FOXP1: variants seen among roughly 807,000 people sequenced by gnomAD.
FOXP1 encodes the protein forkhead box P1.
A neutral mutation model predicts 98.2 loss-of-function variants in FOXP1; 15 were observed. The ratio of observed to expected loss-of-function variants is 0.15; its 90% confidence interval spans 0.10 to 0.24. The LOEUF is 0.24. Ranked by LOEUF, FOXP1 falls within the 10% of genes least tolerant of loss-of-function variation. The pLI, the probability that FOXP1 is intolerant of heterozygous loss-of-function variation, is 1.00. For synonymous variants in FOXP1, 371 were observed against 314.5 expected, an observed-to-expected ratio of 1.18 and a Z score of -1.90; for missense variants, 633 against 848.5, an observed-to-expected ratio of 0.75 and a Z score of 3.15.
intron 12 of FOXP1, among the ~76,000 whole-genome samples, chr3:71,013,488 T>C (rs7635544): frequency 0.72 from 109,872 of 152,020 alleles, 40,968 homozygotes; most frequent in African/African-American, 0.89. Flanking sequence ...CACTGCTCAA[T>C]GAAATAAAAG....
chr3:71,013,751 A>G (rs763940614), intron 12 of FOXP1, among the ~76,000 whole-genome samples: 106 of 152,346 alleles, frequency 7.0e-4, no homozygotes, highest in Non-Finnish European at 1.2e-3. Flanking sequence ...TTCAAACTAT[A>G]CTACAAGGCT....
intron 3 of FOXP1, among the ~76,000 whole-genome samples, chr3:71,438,557 G>A (rs2085592725): frequency 6.6e-6 from 1 of 151,966 alleles, no homozygotes; most frequent in South Asian, 2.1e-4. Context: ...ACCTTCTCCA[G>A]GCTCCCCTCC....
At chr3:71,388,921 T>C (rs765136709) in intron 3 of FOXP1, among the ~76,000 whole-genome samples, 2 of 152,084 alleles carry the variant, frequency 1.3e-5, no homozygotes, top group Non-Finnish European at 2.9e-5. Flanking sequence ...CCAAGTAGAA[T>C]GGCCTTTTCA....
chr3:71,349,340 T>C (rs2077616852), intron 4 of FOXP1, among the ~76,000 whole-genome samples: 1 of 152,208 alleles, frequency 6.6e-6, no homozygotes, highest in African/African-American at 2.4e-5. Context: ...ACTTCAACAG[T>C]TACCCATAAA....
chr3:71,104,349 T>TA (rs2057247960), intron 7 of FOXP1, among the ~76,000 whole-genome samples: 1 of 152,150 alleles, frequency 6.6e-6, no homozygotes, highest in Non-Finnish European at 1.5e-5. Context: ...ATAGGCTTGA[T>TA]AGCAAGACCT....
At position 71,581,441 on chromosome 3, in the gene FOXP1, G is replaced by A. The variant is rs971535858; in HGVS notation, c.-298+108C>T. On this transcript the variant is annotated intron_variant, in intron 2 of 20. Coordinates refer to ENST00000649528, the MANE Select transcript of FOXP1 (RefSeq NM_001349338.3). ...CATTCCTCGCTCCCGGTGCCTTATC[G>A]CTAGGCTCGCGCCACCCCGGCTGGC... The A allele has an allele frequency of 2.2e-5, 22 of 985,358 alleles. No individual in the cohort carries two copies. The African/African-American group carries it at 3.5e-4, about 16-fold the overall frequency. The allele number at this position is 985,358 out of a possible 1,614,324, so 61.0% of individuals were successfully genotyped here.
intron 11 of FOXP1, among the ~76,000 whole-genome samples, chr3:71,022,024 T>C (rs535835021): frequency 1.8e-3 from 269 of 152,360 alleles, no homozygotes; most frequent in Non-Finnish European, 3.4e-3. Context: ...TCAGAAACCA[T>C]TGCCTAAACT....
chr3:71,504,319 A>C (rs2041644060), intron 2 of FOXP1, among the ~76,000 whole-genome samples: 1 of 152,164 alleles, frequency 6.6e-6, no homozygotes, highest in Non-Finnish European at 1.5e-5. Flanking sequence ...TTTCAGATTA[A>C]TATGACGTTG....
In FOXP1 at chr3:70,974,905, A is replaced by G. The variant is rs370706414; in HGVS notation, c.1530+2036T>C. Among the ~76,000 whole-genome samples, 14 of 152,266 alleles carry G rather than the reference A, an allele frequency of 9.2e-5. No individual in the cohort carries two copies. The East Asian group carries it at 2.7e-3, about 29-fold the overall frequency. ...ATGTGAGTAAAGACACAAAGCCAAA[A>G]CTTCAGTTCTGTTTTCCAAAACTGC... is the stretch of plus-strand genomic sequence containing the variant. On this transcript the variant is annotated intron_variant, in intron 17 of 20. Transcript: ENST00000649528.
At chr3:70,996,966 G>A (rs2041459875) in intron 13 of FOXP1, among the ~76,000 whole-genome samples, 1 of 152,204 alleles carries the variant, frequency 6.6e-6, no homozygotes, top group Non-Finnish European at 1.5e-5. Context: ...GCTCTTTCCT[G>A]TAGTGCTACG....
At chr3:70,996,574 A>G (rs2041397628) in intron 13 of FOXP1, among the ~76,000 whole-genome samples, 2 of 152,196 alleles carry the variant, frequency 1.3e-5, no homozygotes, top group Admixed American at 1.3e-4. Context: ...TCAGAGACAC[A>G]AGGGCCTTCC....
At chr3:71,323,143 G>T (rs973124863) in intron 4 of FOXP1, among the ~76,000 whole-genome samples, 3 of 151,962 alleles carry the variant, frequency 2.0e-5, no homozygotes, top group Non-Finnish European at 2.9e-5. Flanking sequence ...GCTAATTTTT[G>T]TATTTTTAGT....
At chr3:70,982,003 T>C (rs536545135) in intron 14 of FOXP1, among the ~76,000 whole-genome samples, 2 of 152,310 alleles carry the variant, frequency 1.3e-5, no homozygotes, top group East Asian at 3.9e-4. Flanking sequence ...AGAAGTTTCT[T>C]AACTTTTAAA....
At chr3:70,989,983 T>C (rs1306179409) in intron 13 of FOXP1, among the ~76,000 whole-genome samples, 3 of 152,176 alleles carry the variant, frequency 2.0e-5, no homozygotes, top group African/African-American at 7.2e-5. Context: ...AACACATACC[T>C]AGAATTTGTA....
chr3:71,193,227 A>G (rs2063101679), intron 6 of FOXP1, among the ~76,000 whole-genome samples: 1 of 134,926 alleles, frequency 7.4e-6, no homozygotes, highest in East Asian at 2.2e-4. Flanking sequence ...GGCTCACTGC[A>G]AGCTCCGCCT....
intron 5 of FOXP1, among the ~76,000 whole-genome samples, chr3:71,259,462 T>C (rs1462542769): frequency 6.6e-6 from 1 of 152,240 alleles, no homozygotes; most frequent in East Asian, 1.9e-4. Flanking sequence ...ATCATTCCTA[T>C]TATTTTTCTT....
intron 3 of FOXP1, among the ~76,000 whole-genome samples, chr3:71,413,759 T>C (rs1487213786): frequency 2.0e-5 from 3 of 152,172 alleles, no homozygotes; most frequent in Admixed American, 1.3e-4. Context: ...AAAATATATA[T>C]ACATGGGTGT....
At chr3:71,414,421 G>A (rs2083040559) in intron 3 of FOXP1, among the ~76,000 whole-genome samples, 1 of 152,208 alleles carries the variant, frequency 6.6e-6, no homozygotes, top group Non-Finnish European at 1.5e-5. Flanking sequence ...CCCAGTCACA[G>A]ATGCACTGCC....
At chr3:71,165,741 C>T (rs1257129887) in intron 6 of FOXP1, among the ~76,000 whole-genome samples, 1 of 152,032 alleles carries the variant, frequency 6.6e-6, no homozygotes, top group Non-Finnish European at 1.5e-5. Flanking sequence ...TAGACATCAC[C>T]CACCCAGAGG....
Sources: gnomAD v4.1 joint callset for allele counts (sites outside exome capture counted in the v4.1 genomes callset) on GRCh38, gnomAD v4.1.1 for gene constraint, MANE v1.5 for transcripts, NCBI Gene and HGNC (gene_info 2026-07-23, HGNC 2026-07-21) for gene names.